The following TNFRSF10B variants were observed in gnomAD, a reference collection of about 807,000 sequenced individuals.
TNFRSF10B encodes tumor necrosis factor receptor superfamily member 10B.
A neutral mutation model predicts 41.4 loss-of-function variants in TNFRSF10B; 35 were observed. The observed-to-expected ratio is 0.85, with a 90% confidence interval of 0.65 to 1.12. The LOEUF (loss-of-function observed/expected upper bound fraction) is 1.12, where lower values mean the gene tolerates loss of function less well. Among genes scored for constraint, TNFRSF10B ranks in the 50% most tolerant of loss-of-function variants. The pLI, the probability that TNFRSF10B is intolerant of heterozygous loss-of-function variation, is 0.00. For synonymous variants in TNFRSF10B, 230 were observed against 215.5 expected, an observed-to-expected ratio of 1.07 and a Z score of -0.59; for missense variants, 584 against 552.7, an observed-to-expected ratio of 1.06 and a Z score of -0.57.
In TNFRSF10B at chr8:23,027,714, C is replaced by T. The variant is rs371245547; in HGVS notation, c.780+8G>A. 6.2e-7 allele frequency: 1 copy of T among 1,614,080 alleles called. No homozygotes were observed. The highest frequency in any genetic ancestry group is 8.5e-7 in the Non-Finnish European group (1 of 1,179,998). On this transcript the variant is annotated splice_region_variant and intron_variant, in intron 6 of 8. Transcript: ENST00000276431. ...CTGAGCCCCCAGCTCCTGGAGAAATCAACTCACTCTGTCCACACGCTCAGG... is the reference window on the plus strand; with the variant it reads ...CTGAGCCCCCAGCTCCTGGAGAAATTAACTCACTCTGTCCACACGCTCAGG...
chr8:23,038,902 G>A (rs1585213954), intron 2 of TNFRSF10B, among the ~76,000 whole-genome samples: 1 of 151,852 alleles, frequency 6.6e-6, no homozygotes, highest in African/African-American at 2.4e-5. Flanking sequence ...GCATGGGGAT[G>A]GTTTCAGGAT....
At chr8:23,065,293 C>T (rs991821426) in intron 1 of TNFRSF10B, among the ~76,000 whole-genome samples, 1 of 152,242 alleles carries the variant, frequency 6.6e-6, no homozygotes. Context: ...TAAGGACAGC[C>T]TCCAGCTACA....
At chr8:23,029,199 T>C (rs1352692620) in intron 4 of TNFRSF10B, among the ~76,000 whole-genome samples, 1 of 152,200 alleles carries the variant, frequency 6.6e-6, no homozygotes, top group Non-Finnish European at 1.5e-5. Flanking sequence ...TTGTGGGCCA[T>C]GGGCACTTTT....
intron 2 of TNFRSF10B, among the ~76,000 whole-genome samples, chr8:23,042,043 T>A (rs966772643): frequency 6.6e-6 from 1 of 152,344 alleles, no homozygotes; most frequent in Non-Finnish European, 1.5e-5. Flanking sequence ...CAAGTTACCC[T>A]GAGCAGTTGA....
intron 1 of TNFRSF10B, among the ~76,000 whole-genome samples, chr8:23,065,299 C>A (rs917534026): frequency 2.0e-5 from 3 of 152,208 alleles, no homozygotes; most frequent in African/African-American, 7.2e-5. Context: ...CAGCCTCCAG[C>A]TACAGCAGGG....
Position 23,022,887 on chromosome 8 carries a change from C to T in TNFRSF10B, c.1107G>A (p.Lys369=), listed in dbSNP as rs774270129. 2.5e-6 allele frequency: 4 copies of T among 1,613,946 alleles called. No individual in the cohort carries two copies. Among genetic ancestry groups the T allele is most frequent in the Middle Eastern group, 1.6e-4 (1 of 6,084 alleles). The change falls in exon 9 of 9, where the codon AAG becomes AAA. Residue 369 remains lysine (K), a synonymous_variant. Transcript: ENST00000276431. ...GGCCCGCTGCCTCAGCTTTAGCCAC[C>T]TTTATCTCATTGTCCATGAGGCCCA... ...RKLGLMDNEI[K]VAKAEAAGHR... is the part of the protein sequence containing the mutation.
chr8:23,045,977 T>G (rs1812347072), intron 1 of TNFRSF10B, among the ~76,000 whole-genome samples: 1 of 152,214 alleles, frequency 6.6e-6, no homozygotes. Flanking sequence ...ACAGCTAATA[T>G]CATACTCAGC....
intron 1 of TNFRSF10B, among the ~76,000 whole-genome samples, chr8:23,063,438 C>T (rs1812890664): frequency 6.6e-6 from 1 of 152,062 alleles, no homozygotes; most frequent in South Asian, 2.1e-4. Context: ...GGTCTATGAG[C>T]AATGACGTGC....
At chr8:23,042,192 G>C (rs902561081) in intron 2 of TNFRSF10B, among the ~76,000 whole-genome samples, 8 of 152,214 alleles carry the variant, frequency 5.3e-5, no homozygotes, top group African/African-American at 1.9e-4. Flanking sequence ...AGATGAGTTT[G>C]TGTCTGCTTC....
intron 2 of TNFRSF10B, among the ~76,000 whole-genome samples, chr8:23,041,337 G>A: frequency 6.6e-6 from 1 of 152,070 alleles, no homozygotes. Flanking sequence ...GATTACAGGT[G>A]TGAGTCACTG....
chr8:23,058,310 C>G (rs957909511), intron 1 of TNFRSF10B, among the ~76,000 whole-genome samples: 1 of 152,112 alleles, frequency 6.6e-6, no homozygotes, highest in African/African-American at 2.4e-5. Flanking sequence ...TCCTTCTAAC[C>G]ATATCTACCT....
intron 1 of TNFRSF10B, among the ~76,000 whole-genome samples, chr8:23,052,004 C>T: frequency 6.6e-6 from 1 of 152,100 alleles, no homozygotes; most frequent in East Asian, 1.9e-4. Context: ...AAGATGGAGT[C>T]AGTTAGGTCA....
chr8:23,056,577 G>T (rs1340920274), intron 1 of TNFRSF10B, among the ~76,000 whole-genome samples: 10 of 151,816 alleles, frequency 6.6e-5, no homozygotes, highest in Admixed American at 6.6e-4. Context: ...CTTGAACCAG[G>T]GAGGTGGAGG....
chr8:23,030,028 A>G (rs1341805069), intron 3 of TNFRSF10B, among the ~76,000 whole-genome samples: 3 of 152,162 alleles, frequency 2.0e-5, no homozygotes, highest in African/African-American at 7.2e-5. Flanking sequence ...GCAAGGGATC[A>G]CCTGAGAGAC....
intron 7 of TNFRSF10B, among the ~76,000 whole-genome samples, chr8:23,026,719 T>C (rs564616510): frequency 6.6e-6 from 1 of 152,192 alleles, no homozygotes; most frequent in South Asian, 2.1e-4. Flanking sequence ...GAATCCTACT[T>C]TTTGGAAGCT....
chr8:23,027,390 C>A (rs1037533452), intron 6 of TNFRSF10B, 102 bp from the exon 7 acceptor site: 4 of 1,455,456 alleles, frequency 2.7e-6, no homozygotes, highest in African/African-American at 2.8e-5. Flanking sequence ...ATCCCCACCC[C>A]CTCTCAGTGA....
At chr8:23,066,845 T>C (rs7827294) in intron 1 of TNFRSF10B, among the ~76,000 whole-genome samples, 105,934 of 151,690 alleles carry the variant, frequency 0.7, 37,482 homozygotes, top group East Asian at 0.9. Context: ...TGCAGTGAGC[T>C]GAGATCCCAC....
At chr8:23,040,398 A>AAT (rs1237428341) in intron 2 of TNFRSF10B, among the ~76,000 whole-genome samples, 1,224 of 13,092 alleles carry the variant, frequency 0.093, 138 homozygotes, top group African/African-American at 0.15. Context: ...ATATTTATTA[A>AAT]ATATATATAC....
At chr8:23,067,444 A>AT (rs1161844855) in intron 1 of TNFRSF10B, among the ~76,000 whole-genome samples, 5 of 139,486 alleles carry the variant, frequency 3.6e-5, no homozygotes, top group Admixed American at 6.9e-5. Context: ...CTTTATAGAG[A>AT]TAAAAAAAAA....
Sources: gnomAD v4.1 joint callset for allele counts (sites outside exome capture counted in the v4.1 genomes callset) on GRCh38, gnomAD v4.1.1 for gene constraint, MANE v1.5 for transcripts, NCBI Gene and HGNC (gene_info 2026-07-23, HGNC 2026-07-21) for gene names.